The following GPC6 variants were observed in gnomAD, a reference collection of about 807,000 sequenced individuals.
The protein encoded by GPC6 is glypican-6.
Under a neutral mutation model 55.2 loss-of-function variants are expected in GPC6, and 14 were observed. The ratio of observed to expected loss-of-function variants is 0.25; its 90% CI spans 0.17 to 0.40. The LOEUF (loss-of-function observed/expected upper bound fraction) is 0.40, where lower values mean the gene tolerates loss of function less well. Ranked by LOEUF, GPC6 falls within the 10% of genes least tolerant of loss-of-function variation. GPC6 has a pLI of 1.00. For missense variants in GPC6, 641 were observed against 708.5 expected (o/e 0.90, Z 1.08); for synonymous variants, 278 against 259.6 (o/e 1.07, Z -0.68).
intron 4 of GPC6, among the ~76,000 whole-genome samples, chr13:94,122,447 G>A (rs1056710434): frequency 2.0e-5 from 3 of 152,050 alleles, no homozygotes; most frequent in African/African-American, 7.2e-5. Context: ...CTGTCTCCCT[G>A]AGGTGTGTTA....
intron 1 of GPC6, among the ~76,000 whole-genome samples, chr13:93,465,000 T>G (rs531707109): frequency 6.6e-6 from 1 of 152,286 alleles, no homozygotes; most frequent in South Asian, 2.1e-4. Flanking sequence ...CCAGGTGAAT[T>G]GTCAATGAGA....
intron 1 of GPC6, among the ~76,000 whole-genome samples, chr13:93,236,057 C>G (rs1426958847): frequency 6.6e-6 from 1 of 152,118 alleles, no homozygotes; most frequent in Non-Finnish European, 1.5e-5. Flanking sequence ...CTTGATGAGG[C>G]AGACAACTCT....
intron 1 of GPC6, among the ~76,000 whole-genome samples, chr13:93,367,678 C>CAAATA (rs1421297527): frequency 1.3e-5 from 2 of 152,066 alleles, no homozygotes; most frequent in African/African-American, 4.8e-5. Flanking sequence ...CAACTAACTG[C>CAAATA]CTCTTTGACC....
intron 1 of GPC6, among the ~76,000 whole-genome samples, chr13:93,329,110 A>G (rs530365078): frequency 1.3e-5 from 2 of 152,154 alleles, no homozygotes; most frequent in South Asian, 4.1e-4. Context: ...TAAACTTTGG[A>G]CCTTGAGAAA....
At chr13:93,591,326 T>C (rs1181246648) in intron 2 of GPC6, among the ~76,000 whole-genome samples, 1 of 152,004 alleles carries the variant, frequency 6.6e-6, no homozygotes, top group Non-Finnish European at 1.5e-5. Context: ...TAGCCGGGCA[T>C]GGTGGCGGAC....
chr13:94,123,673 GTT>G (rs1491152698), intron 4 of GPC6, among the ~76,000 whole-genome samples: 1 of 151,696 alleles, frequency 6.6e-6, no homozygotes. Flanking sequence ...CTGTGTGTGT[GTT>G]TGTATGCATG....
chr13:93,298,695 G>T (rs1004037996), intron 1 of GPC6, among the ~76,000 whole-genome samples: 2 of 151,426 alleles, frequency 1.3e-5, no homozygotes, highest in South Asian at 2.1e-4. Context: ...CAATTGGCCC[G>T]CCTCAGCCTC....
intron 1 of GPC6, among the ~76,000 whole-genome samples, chr13:93,460,591 G>T (rs1301694709): frequency 6.6e-6 from 1 of 152,116 alleles, no homozygotes; most frequent in Non-Finnish European, 1.5e-5. Context: ...GAATTAACAT[G>T]TAAGTTTTTC....
chr13:93,503,256 G>T (rs1042368267), intron 1 of GPC6, among the ~76,000 whole-genome samples: 1 of 152,114 alleles, frequency 6.6e-6, no homozygotes, highest in African/African-American at 2.4e-5. Flanking sequence ...GACAAATACT[G>T]CACATCTTTG....
At chr13:93,697,719 A>AG (rs1882509226) in intron 2 of GPC6, among the ~76,000 whole-genome samples, 1 of 152,172 alleles carries the variant, frequency 6.6e-6, no homozygotes, top group South Asian at 2.1e-4. Context: ...AAATATCATA[A>AG]ATTGCAGAGT....
chr13:93,679,062 G>A (rs759468494), intron 2 of GPC6, among the ~76,000 whole-genome samples: 13 of 151,882 alleles, frequency 8.6e-5, no homozygotes, highest in South Asian at 2.1e-4. Context: ...AAAATATATC[G>A]TATATATTTT....
chr13:94,154,691 C>CA (rs1278527808), intron 4 of GPC6, among the ~76,000 whole-genome samples: 3 of 151,688 alleles, frequency 2.0e-5, no homozygotes, highest in African/African-American at 4.8e-5. Flanking sequence ...TTTCACAACC[C>CA]AAAAAAAAGG....
chr13:94,105,351 GAGCAAAAT>G (rs1184450527), intron 4 of GPC6, among the ~76,000 whole-genome samples: 24 of 30,276 alleles, frequency 7.9e-4, no homozygotes, highest in Admixed American at 1.2e-3. Flanking sequence ...AGAGCAAATA[GAGCAAAAT>G]ATCCTGTTTC....
intron 1 of GPC6, among the ~76,000 whole-genome samples, chr13:93,471,398 C>T (rs895981421): frequency 4.2e-4 from 63 of 149,240 alleles, no homozygotes; most frequent in African/African-American, 9.3e-4. Context: ...GGCGTGGTGG[C>T]GGGTGCCTGT....
intron 3 of GPC6, among the ~76,000 whole-genome samples, chr13:94,010,040 A>G (rs913476250): frequency 6.6e-6 from 1 of 152,172 alleles, no homozygotes; most frequent in Admixed American, 6.5e-5. Context: ...ACAGCATTTG[A>G]ATCATTTAAA....
intron 2 of GPC6, among the ~76,000 whole-genome samples, chr13:93,603,370 G>T (rs896275515): frequency 6.6e-6 from 1 of 152,242 alleles, no homozygotes; most frequent in African/African-American, 2.4e-5. Context: ...TTTCAGACAT[G>T]CATGTATATA....
intron 7 of GPC6, among the ~76,000 whole-genome samples, chr13:94,390,729 G>A (rs572737448): frequency 2.0e-4 from 31 of 152,160 alleles, no homozygotes; most frequent in African/African-American, 7.2e-4. Context: ...CATATCAGTG[G>A]GAATTCTGTC....
At chr13:93,253,934 T>G (rs951426783) in intron 1 of GPC6, among the ~76,000 whole-genome samples, 1 of 152,220 alleles carries the variant, frequency 6.6e-6, no homozygotes, top group Non-Finnish European at 1.5e-5. Context: ...TTATCACATA[T>G]GATTATCCCT....
intron 5 of GPC6, among the ~76,000 whole-genome samples, chr13:94,294,437 T>TAAAA (rs397944823): frequency 1.4e-4 from 16 of 116,736 alleles, no homozygotes; most frequent in African/African-American, 5.0e-4. Context: ...AAATGAAGAT[T>TAAAA]AAAAAAAAAA....
Sources: allele counts gnomAD v4.1 joint callset (sites outside exome capture counted in the v4.1 genomes callset), GRCh38; gene constraint gnomAD v4.1.1; transcripts MANE v1.5; gene names NCBI Gene and HGNC (gene_info 2026-07-23, HGNC 2026-07-21).